Variants in CEP295 observed in about 807,000 individuals in gnomAD.
The protein encoded by CEP295 is centrosomal protein 295, also known as centrosomal protein of 295 kDa.
CEP295 carries 190 observed loss-of-function variants against 291.6 expected under a neutral mutation model. The observed-to-expected ratio is 0.65, with a 90% CI of 0.58 to 0.73. CEP295 has a LOEUF of 0.73. CEP295 is among the 30% of genes least tolerant of loss of function. The probability of loss-of-function intolerance (pLI) is 0.00; values close to 1 mark genes in which losing one functional copy is unlikely to be tolerated. For synonymous variants in CEP295, 993 were observed against 1,038.8 expected, an observed-to-expected ratio of 0.96 and a Z score of 0.85; for missense variants, 2,863 against 2,949.4, an observed-to-expected ratio of 0.97 and a Z score of 0.68.
chr11:93,724,139 TG>T, intron 21 of CEP295, 114 bp from the exon 22 acceptor site: 2 of 987,778 alleles, frequency 2.0e-6, no homozygotes, highest in Admixed American at 6.0e-5. Context: ...TGGAGTTACC[TG>T]AAAATAAGCG....
intron 23 of CEP295, 200 bp from the exon 24 acceptor site, chr11:93,726,776 G>T: frequency 2.3e-6 from 1 of 438,266 alleles, no homozygotes; most frequent in Non-Finnish European, 4.0e-6. Flanking sequence ...AATAGAAAAA[G>T]AAAAAATACT....
At chr11:93,677,893 A>G (rs1470167866) in intron 6 of CEP295, among the ~76,000 whole-genome samples, 1 of 152,202 alleles carries the variant, frequency 6.6e-6, no homozygotes, top group African/African-American at 2.4e-5. Flanking sequence ...CATTATTTCA[A>G]CCAGATTTAT....
At chr11:93,717,768 C>T (rs901863452) in intron 18 of CEP295, among the ~76,000 whole-genome samples, 12 of 151,858 alleles carry the variant, frequency 7.9e-5, no homozygotes, top group Non-Finnish European at 1.5e-4. Context: ...CACAGAGTGG[C>T]CATTTCTGAG....
At position 93,730,070 on chromosome 11, in the gene CEP295, A is replaced by C; in HGVS notation, c.7689A>C (p.Glu2563Asp). 1 of 1,550,754 alleles carries C rather than the reference A, an allele frequency of 6.4e-7. No individual in the cohort carries two copies. Among genetic ancestry groups the C allele is most frequent in the Admixed American group, 2.0e-5 (1 of 50,840 alleles). Residue 2563 changes from glutamate to aspartate, a missense_variant, in exon 29 of 30, where the codon GAA (glutamate) becomes GAC (aspartate). Physicochemically the swap from Glu to Asp is conservative, Grantham distance 45. Coordinates refer to ENST00000325212, the MANE Select transcript of CEP295 (RefSeq NM_033395.2). ...RGLRLYNQLA[E>D]VKQQKEEKTK... ...ACAGGTTATACAATCAACTAGCTGAAGTGAAACAACAAAAGGAAGAAAAAA... is the reference window on the plus strand; with the variant it reads ...ACAGGTTATACAATCAACTAGCTGACGTGAAACAACAAAAGGAAGAAAAAA...
chr11:93,700,344 A>G (rs1033026209), intron 15 of CEP295, among the ~76,000 whole-genome samples, 158 bp downstream of exon 15: 2 of 152,188 alleles, frequency 1.3e-5, no homozygotes, highest in African/African-American at 4.8e-5. Context: ...TTAAAACAAA[A>G]ATCGATCCAC....
chr11:93,727,364 A>G lies in CEP295; in HGVS notation c.6888A>G (p.Gln2296=), dbSNP rs752007908. The change falls in exon 24 of 30, where the codon CAA becomes CAG. Residue 2296 remains glutamine, a synonymous_variant. Coordinates refer to ENST00000325212, the MANE Select transcript of CEP295 (RefSeq NM_033395.2). ...GGGTTGTTACAATGTTACAAAGTCA[A>G]GGACTCATTGAAGATAATAAAAATG... ...KRGVVTMLQS[Q]GLIEDNKNET... 4 of 1,551,594 alleles carry G rather than the reference A, an allele frequency of 2.6e-6. No individual in the cohort carries two copies. Among genetic ancestry groups the G allele is most frequent in the Non-Finnish European group, 3.5e-6 (4 of 1,146,960 alleles).
intron 17 of CEP295, among the ~76,000 whole-genome samples, chr11:93,705,539 A>G (rs1952457283): frequency 6.6e-6 from 1 of 152,092 alleles, no homozygotes; most frequent in African/African-American, 2.4e-5. Context: ...TGATGATCAA[A>G]TTGTAGTTTC....
chr11:93,677,555 T>G (rs1291151030), intron 6 of CEP295, among the ~76,000 whole-genome samples: 1 of 152,176 alleles, frequency 6.6e-6, no homozygotes, highest in Non-Finnish European at 1.5e-5. Flanking sequence ...GAACAAAACA[T>G]CATACGCTTA....
Position 93,695,544 on chromosome 11 carries a change from A to T in CEP295, c.1581A>T (p.Glu527Asp), listed in dbSNP as rs1489005907. 1.4e-6 allele frequency: 2 copies of T among 1,477,218 alleles called. No individual in the cohort carries two copies. Among genetic ancestry groups the T allele is most frequent in the African/African-American group, 1.5e-5 (1 of 68,010 alleles). The allele number at this position is 1,477,218 out of a possible 1,614,324, so 91.5% of individuals were successfully genotyped here. ...EQKQKQLELL[E>D]QIEQQKLRLE... The stretch of plus-strand genomic sequence containing the variant: ...AGCAAAAGCAATTGGAATTACTTGA[A>T]CAAATTGAACAGCAGAAATTAAGAT... Residue 527 changes from glutamate (E) to aspartate (D), a missense_variant, in exon 13 of 30, where the codon GAA (glutamate) becomes GAT (aspartate). Around this residue, in one of 3 missense-constraint regions of CEP295, gnomAD observed 14 missense variants for 37.7 expected, o/e 0.37. Transcript: ENST00000325212.
Position 93,706,766 on chromosome 11 carries a change from A to G in CEP295, c.5618A>G (p.Asp1873Gly). The change falls in exon 18 of 30, where the codon GAC becomes GGC. Residue 1873 changes from aspartate to glycine, a missense_variant. Physicochemically the swap from Asp to Gly is moderately conservative, Grantham distance 94. Transcript: ENST00000325212. The part of the protein sequence containing the change: ...SILGKPGIYE[D>G]RDPLRVSISR... ...CCAGGTAAACCAGGTATTTATGAAG[A>G]CAGAGACCCCCTGCGAGTCTCAATA... The G allele has an allele frequency of 3.2e-6, 5 of 1,543,982 alleles. No individual in the cohort carries two copies. The highest frequency in any genetic ancestry group is 4.4e-6 in the Non-Finnish European group (5 of 1,144,098).
chr11:93,727,275 T>G lies in CEP295; in HGVS notation c.6799T>G (p.Ser2267Ala). Reference protein sequence around the residue: ...TPCGSNSSECSTKHQLESRKE... With the variant: ...TPCGSNSSECATKHQLESRKE... Reference sequence around the variant, plus strand: ...ATGTGGTTCTAACTCTAGTGAGTGCTCAACAAAACACCAACTAGAAAGCAG... The same window carrying G: ...ATGTGGTTCTAACTCTAGTGAGTGCGCAACAAAACACCAACTAGAAAGCAG... The change falls in exon 24 of 30, where the codon TCA becomes GCA. Residue 2267 changes from serine (S) to alanine (A), a missense_variant. By Grantham distance (99) the Ser-to-Ala change is moderately conservative. Transcript: ENST00000325212. The G allele has an allele frequency of 6.4e-7, 1 of 1,551,736 alleles. No homozygotes were observed. Among genetic ancestry groups the G allele is most frequent in the Non-Finnish European group, 8.7e-7 (1 of 1,146,964 alleles).
chr11:93,692,512 A>C (rs1347058875), intron 12 of CEP295, among the ~76,000 whole-genome samples: 2 of 152,160 alleles, frequency 1.3e-5, no homozygotes, highest in Non-Finnish European at 2.9e-5. Context: ...CCCAGGCTGG[A>C]GTACAGTGAC....
At chr11:93,696,455 G>T in intron 14 of CEP295, 38 bp downstream of exon 14, 1 of 1,289,720 alleles carries the variant, frequency 7.8e-7, no homozygotes, top group South Asian at 1.3e-5. Context: ...GATCGTATGT[G>T]GCTACATTTT....
intron 9 of CEP295, among the ~76,000 whole-genome samples, chr11:93,685,272 A>T (rs1951170972): frequency 6.6e-6 from 1 of 152,080 alleles, no homozygotes. Context: ...TTCACCCTAC[A>T]CTGTGAACAT....
chr11:93,691,955 T>G lies in CEP295; in HGVS notation c.1458T>G (p.Thr486=). 1 of 1,546,408 alleles carries G rather than the reference T, an allele frequency of 6.5e-7. No homozygotes were observed. The highest frequency in any genetic ancestry group is 1.4e-5 in the African/African-American group (1 of 73,084). Residue 486 remains threonine, a synonymous_variant, in exon 12 of 30, where the codon ACT becomes ACG. Transcript: ENST00000325212. ...QEINETLPIT[T]VAQSSVLLHP... is the part of the protein sequence containing the mutation. ...TAAATGAGACTCTGCCTATCACAAC[T>G]GTAGCTCAGAGTTCAGTTCTACTTC...
chr11:93,704,151 G>A (rs551999183), intron 17 of CEP295, among the ~76,000 whole-genome samples: 12 of 151,416 alleles, frequency 7.9e-5, no homozygotes, highest in African/African-American at 1.2e-4. Context: ...TAATTTTCTC[G>A]ATCAAATTTA....
At chr11:93,666,885 A>G (rs1000656954) in intron 2 of CEP295, 70 bp downstream of exon 2, 29 of 908,064 alleles carry the variant, frequency 3.2e-5, no homozygotes, top group Non-Finnish European at 3.4e-6. Flanking sequence ...TTTACATTAG[A>G]GTGTTCTAAA....
In CEP295 at chr11:93,699,160, C is replaced by G. The variant is rs994762242; in HGVS notation, c.4248C>G (p.Asn1416Lys). ...ASLPLNESER[N>K]QEPCSINSDN... ...TACCTCTTAATGAATCTGAAAGAAA[C>G]CAAGAACCATGTTCAATTAACAGTG... is the stretch of plus-strand genomic sequence containing the variant. The change falls in exon 15 of 30, where the codon AAC becomes AAG. Residue 1416 changes from asparagine to lysine, a missense_variant. By Grantham distance (94) the Asn-to-Lys change is moderately conservative (BLOSUM62 0). Coordinates refer to ENST00000325212, the MANE Select transcript of CEP295 (RefSeq NM_033395.2). 5 of 1,551,766 alleles carry G rather than the reference C, an allele frequency of 3.2e-6. No homozygotes were observed. The African/African-American group carries it at 6.8e-5, about 21-fold the overall frequency.
chr11:93,686,101 T>C (rs1319986109), intron 9 of CEP295, among the ~76,000 whole-genome samples: 6 of 151,874 alleles, frequency 4.0e-5, no homozygotes, highest in Admixed American at 3.3e-4. Flanking sequence ...GGAGGATCAT[T>C]TGAGTTCAGG....
Sources: allele counts gnomAD v4.1 joint callset (sites outside exome capture counted in the v4.1 genomes callset), GRCh38; gene constraint gnomAD v4.1.1; regional missense constraint gnomAD v4.1.1; transcripts MANE v1.5; gene names NCBI Gene and HGNC (gene_info 2026-07-23, HGNC 2026-07-21).